Variants in CRAMP1 observed in about 807,000 individuals in gnomAD.
CRAMP1 encodes the protein cramped chromatin regulator 1, also known as protein cramped-like.
Under a neutral mutation model 115.4 loss-of-function variants are expected in CRAMP1, and 50 were observed. The observed-to-expected ratio is 0.43, with a 90% CI of 0.35 to 0.55. The LOEUF is 0.55. CRAMP1 is among the 20% of genes least tolerant of loss of function. The probability of loss-of-function intolerance (pLI) is 0.01; values close to 1 mark genes in which losing one functional copy is unlikely to be tolerated. For synonymous variants in CRAMP1, 866 were observed against 745.4 expected (o/e 1.16, Z -2.64); for missense variants, 1,679 against 1,721.7 (o/e 0.98, Z 0.44).
chr16:1,628,935 C>T (rs1049864080), intron 3 of CRAMP1, among the ~76,000 whole-genome samples: 1 of 152,192 alleles, frequency 6.6e-6, no homozygotes, highest in African/African-American at 2.4e-5. Flanking sequence ...TGGGCATGCT[C>T]AGATTCGCGC....
chr16:1,642,032 TG>T (rs1821855867), intron 6 of CRAMP1, among the ~76,000 whole-genome samples: 2 of 152,182 alleles, frequency 1.3e-5, no homozygotes, highest in African/African-American at 4.8e-5. Context: ...TCCCGCCCAC[TG>T]ACCACACCAG....
chr16:1,622,810 G>A (rs1339406779), intron 2 of CRAMP1, among the ~76,000 whole-genome samples: 1 of 147,886 alleles, frequency 6.8e-6, no homozygotes, highest in Non-Finnish European at 1.5e-5. Flanking sequence ...CACCCAGGCT[G>A]GAGTGCAGTG....
At chr16:1,637,754 G>A (rs971751556) in intron 4 of CRAMP1, 70 bp from the exon 5 acceptor site, 4 of 686,550 alleles carry the variant, frequency 5.8e-6, no homozygotes, top group Non-Finnish European at 9.2e-6. Context: ...GCCTGGTGTG[G>A]CTCTCACACC....
chr16:1,641,345 A>G (rs1030529599), intron 6 of CRAMP1, among the ~76,000 whole-genome samples, 158 bp downstream of exon 6: 4 of 152,188 alleles, frequency 2.6e-5, no homozygotes, highest in African/African-American at 7.2e-5. Flanking sequence ...TGCTTGGTCC[A>G]GGGAGCAGTG....
chr16:1,652,949 T>C (rs2036737401), intron 7 of CRAMP1, 84 bp from the exon 8 acceptor site: 1 of 1,540,622 alleles, frequency 6.5e-7, no homozygotes. Context: ...CACAGCTGAT[T>C]TCACTGGTTT....
chr16:1,668,333 T>A, intron 18 of CRAMP1, 140 bp downstream of exon 18: 2 of 689,978 alleles, frequency 2.9e-6, no homozygotes, highest in Non-Finnish European at 5.0e-6. Flanking sequence ...GTGCTGCCTG[T>A]CTCCAGCAGG....
chr16:1,654,216 C>A lies in CRAMP1; in HGVS notation c.1038-1003C>A, dbSNP rs1444597733. Among the ~76,000 whole-genome samples, 21 of 142,206 alleles carry A rather than the reference C, an allele frequency of 1.5e-4. 1 individual carries two copies. Among genetic ancestry groups the A allele is most frequent in the South Asian group, 9.2e-4 (4 of 4,358 alleles). The allele number at this position is 142,206 out of a possible 152,430, so 93.3% of individuals were successfully genotyped here. ...TGAACTTAGCCTTTTTTTATTTTTT[C>A]TTTTTTTTTTCCGAGATGGAGTCTT... is the stretch of plus-strand genomic sequence containing the variant. On this transcript the variant is annotated intron_variant, in intron 8 of 20. Coordinates refer to ENST00000397412, the MANE Select transcript of CRAMP1 (RefSeq NM_020825.4).
At chr16:1,658,819 G>A (rs1049384499) in intron 10 of CRAMP1, among the ~76,000 whole-genome samples, 4 of 152,208 alleles carry the variant, frequency 2.6e-5, no homozygotes, top group African/African-American at 9.6e-5. Context: ...GGGCAGGGCT[G>A]TGCTGAGAGC....
chr16:1,654,441 A>T (rs1296079449), intron 8 of CRAMP1, among the ~76,000 whole-genome samples: 1 of 152,112 alleles, frequency 6.6e-6, no homozygotes, highest in Non-Finnish European at 1.5e-5. Flanking sequence ...CGAACTCCTG[A>T]TCTCAGGTGA....
chr16:1,633,462 G>A (rs138459242), intron 4 of CRAMP1, among the ~76,000 whole-genome samples: 4 of 152,380 alleles, frequency 2.6e-5, no homozygotes, highest in East Asian at 3.9e-4. Context: ...GTCTGCCGCC[G>A]ATGCGGTTTT....
rs1233222009 is a variant in CRAMP1 at position 1,614,585 on chromosome 16, A to G, written c.-1-54A>G. The stretch of plus-strand genomic sequence containing the variant: ...ATGTTGAGAGCGCGTCGGGGCCGCT[A>G]AACTTCCCGGCCTGCGCCCGCCTCA... On this transcript the variant is annotated intron_variant, in intron 1 of 20. Coordinates refer to ENST00000397412, the MANE Select transcript of CRAMP1 (RefSeq NM_020825.4). The surrounding 1 kb of genome is among the most constrained non-coding windows in gnomAD (Gnocchi z 4.4). The G allele has an allele frequency of 2.6e-6, 3 of 1,137,028 alleles. No individual in the cohort carries two copies. The highest frequency in any genetic ancestry group is 3.3e-6 in the Non-Finnish European group (3 of 905,066). 70.4% of individuals were successfully genotyped at this position (1,137,028 alleles called of 1,614,324 possible). A position where few individuals can be genotyped will look rare whatever the true frequency, so the allele number is the denominator to read the frequency against.
At chr16:1,654,201 CT>C (rs1419248720) in intron 8 of CRAMP1, among the ~76,000 whole-genome samples, 1 of 150,960 alleles carries the variant, frequency 6.6e-6, no homozygotes, top group African/African-American at 2.4e-5. Flanking sequence ...TGAACTTAGC[CT>C]TTTTTTATTT....
rs1175681249 is a variant in CRAMP1 at position 1,656,902 on chromosome 16, C to T, written c.2145C>T (p.Pro715=). Residue 715 remains proline, a synonymous_variant, in exon 10 of 21, where the codon CCC becomes CCT. Coordinates refer to ENST00000397412, the MANE Select transcript of CRAMP1 (RefSeq NM_020825.4). The surrounding 1 kb of genome is among the most constrained non-coding windows in gnomAD (Gnocchi z 5.6). ...GGCTGGGGCCCGGCCGCCAGGACCC[C>T]CGCCCCGGCTCCCTACCCACCGCCC... ...YDWLGPGRQD[P]RPGSLPTALH... 1.9e-6 allele frequency: 3 copies of T among 1,552,392 alleles called. No individual in the cohort carries two copies. The highest frequency in any genetic ancestry group is 2.4e-5 in the East Asian group (1 of 40,996).
rs547253309 is a variant in CRAMP1 at position 1,632,438 on chromosome 16, G to T, written c.694+73G>T. 1.2e-4 allele frequency: 167 copies of T among 1,441,960 alleles called. No individual in the cohort carries two copies. The South Asian group carries it at 2.1e-3, about 18-fold the overall frequency. The allele number at this position is 1,441,960 out of a possible 1,614,324, so 89.3% of individuals were successfully genotyped here. On this transcript the variant is annotated intron_variant, in intron 4 of 20. Coordinates refer to ENST00000397412, the MANE Select transcript of CRAMP1 (RefSeq NM_020825.4). ...GCTTCTGCTCAGAGCGCAGCTTCCA[G>T]CAAGCCCGCCGGACCTGCTTTCTGG...
chr16:1,664,654 C>G (rs574526068), intron 13 of CRAMP1, among the ~76,000 whole-genome samples: 1 of 152,178 alleles, frequency 6.6e-6, no homozygotes, highest in Non-Finnish European at 1.5e-5. Context: ...TGGCGAGTGC[C>G]TATAATCCCA....
intron 1 of CRAMP1, among the ~76,000 whole-genome samples, chr16:1,612,949 T>A (rs1272799602): frequency 1.3e-5 from 2 of 151,716 alleles, no homozygotes; most frequent in African/African-American, 4.8e-5. Flanking sequence ...CTGGACGGCG[T>A]CGGTCCTTTC....
intron 6 of CRAMP1, among the ~76,000 whole-genome samples, chr16:1,642,448 C>A (rs2036640179): frequency 6.6e-6 from 1 of 152,264 alleles, no homozygotes; most frequent in East Asian, 1.9e-4. Context: ...GTGCAGCCAG[C>A]TTGCCCCAAC....
chr16:1,633,576 G>A (rs183123588), intron 4 of CRAMP1, among the ~76,000 whole-genome samples: 9 of 152,356 alleles, frequency 5.9e-5, no homozygotes, highest in Non-Finnish European at 2.9e-5. Context: ...TTTGATGCCT[G>A]TGCTGGTCTT....
chr16:1,640,015 G>T (rs1283078177), intron 5 of CRAMP1, among the ~76,000 whole-genome samples: 1 of 152,186 alleles, frequency 6.6e-6, no homozygotes, highest in Non-Finnish European at 1.5e-5. Flanking sequence ...GTGGGGCACG[G>T]TGACCCTGTG....
Sources: allele counts gnomAD v4.1 joint callset (sites outside exome capture counted in the v4.1 genomes callset), GRCh38; gene constraint gnomAD v4.1.1; non-coding constraint Gnocchi (gnomAD v3.1); transcripts MANE v1.5; gene names NCBI Gene and HGNC (gene_info 2026-07-23, HGNC 2026-07-21).